DCUN1D4: variants seen among roughly 807,000 people sequenced by gnomAD.
DCUN1D4 encodes the protein DCN1-like protein 4.
A neutral mutation model predicts 47.9 loss-of-function variants in DCUN1D4; 22 were observed. That is an observed-to-expected ratio of 0.46 (90% CI 0.33 to 0.66). The LOEUF (loss-of-function observed/expected upper bound fraction) is 0.66. DCUN1D4 is among the 30% of genes least tolerant of loss of function. The pLI is 0.02. For synonymous variants in DCUN1D4, 121 were observed against 112.2 expected, an observed-to-expected ratio of 1.08 and a Z score of -0.50; for missense variants, 301 against 340.8, an observed-to-expected ratio of 0.88 and a Z score of 0.92.
At chr4:51,912,779 C>T (rs897693633) in intron 9 of DCUN1D4, among the ~76,000 whole-genome samples, 1 of 152,200 alleles carries the variant, frequency 6.6e-6, no homozygotes. Context: ...GCAGCACTTA[C>T]CGGATCTCGT....
At chr4:51,862,531 G>T (rs1383910039) in intron 1 of DCUN1D4, among the ~76,000 whole-genome samples, 1 of 152,108 alleles carries the variant, frequency 6.6e-6, no homozygotes, top group Non-Finnish European at 1.5e-5. Flanking sequence ...TGTCAGAATG[G>T]TATAACTTGG....
intron 5 of DCUN1D4, among the ~76,000 whole-genome samples, chr4:51,882,025 G>T (rs550421937): frequency 2.6e-4 from 40 of 152,132 alleles, no homozygotes; most frequent in African/African-American, 9.6e-4. Flanking sequence ...TAGATGGCAG[G>T]GTTATTGGTA....
upstream of DCUN1D4, chr4:51,843,115 G>A: frequency 2.7e-6 from 4 of 1,465,202 alleles, no homozygotes; most frequent in Non-Finnish European, 2.7e-6. Context: ...TGGAGAAGGC[G>A]AGATGGGCGG....
At chr4:51,834,680 A>T in the DCUN1D4 span, among the ~76,000 whole-genome samples, 1 of 152,044 alleles carries the variant, frequency 6.6e-6, no homozygotes, top group African/African-American at 2.4e-5. Flanking sequence ...TGTCCCGAAA[A>T]TGGGAGCAGT....
chr4:51,846,143 A>G (rs1203447136), intron 1 of DCUN1D4, among the ~76,000 whole-genome samples: 1 of 152,176 alleles, frequency 6.6e-6, no homozygotes, highest in African/African-American at 2.4e-5. Flanking sequence ...ATACACATAT[A>G]GCCCACCTCC....
intron 1 of DCUN1D4, chr4:51,843,582 G>T: frequency 7.8e-7 from 1 of 1,278,190 alleles, no homozygotes; most frequent in South Asian, 2.9e-5. Flanking sequence ...AGTGTCCGGG[G>T]TGCATGGAGG....
At chr4:51,905,429 C>T (rs940569058) in intron 8 of DCUN1D4, 1 of 176,658 alleles carries the variant, frequency 5.7e-6, no homozygotes, top group Non-Finnish European at 1.2e-5. Flanking sequence ...CCAACATGAT[C>T]AGTTCTCTTC....
intron 1 of DCUN1D4, chr4:51,844,514 C>A: frequency 5.1e-6 from 3 of 585,624 alleles, no homozygotes; most frequent in Non-Finnish European, 6.5e-6. Flanking sequence ...GGGTCGGGGG[C>A]TTGGCGCCGG....
intron 1 of DCUN1D4, among the ~76,000 whole-genome samples, chr4:51,857,140 A>G (rs1333249000): frequency 1.3e-5 from 2 of 152,208 alleles, no homozygotes; most frequent in African/African-American, 4.8e-5. Context: ...ATTAAGTAGA[A>G]GGGAGGGTGG....
chr4:51,911,323 A>G, intron 9 of DCUN1D4, 149 bp downstream of exon 9: 1 of 707,266 alleles, frequency 1.4e-6, no homozygotes, highest in Non-Finnish European at 2.4e-6. Flanking sequence ...GTCAGCAGCT[A>G]CCTATCTTCT....
intron 5 of DCUN1D4, 122 bp from the exon 6 acceptor site, chr4:51,886,446 T>G (rs1046864926): frequency 1.7e-5 from 13 of 750,278 alleles, no homozygotes; most frequent in Admixed American, 3.0e-5. Context: ...TAGACTTGAT[T>G]TTTTTTTCCA....
intron 6 of DCUN1D4, among the ~76,000 whole-genome samples, chr4:51,889,124 G>C (rs1730025776): frequency 6.6e-6 from 1 of 151,990 alleles, no homozygotes; most frequent in South Asian, 2.1e-4. Flanking sequence ...AGAAAAAAAA[G>C]AGAGAATATT....
intron 8 of DCUN1D4, among the ~76,000 whole-genome samples, chr4:51,902,218 G>T (rs942579660): frequency 3.9e-5 from 6 of 152,156 alleles, no homozygotes; most frequent in African/African-American, 1.2e-4. Flanking sequence ...AATATTTTAT[G>T]CGTACTTTAA....
intron 1 of DCUN1D4, among the ~76,000 whole-genome samples, chr4:51,855,479 G>A (rs1305171048): frequency 6.6e-6 from 1 of 152,200 alleles, no homozygotes; most frequent in African/African-American, 2.4e-5. Flanking sequence ...AAAGAAGTTA[G>A]ATGAGACATC....
At chr4:51,861,985 G>C (rs1725142358) in intron 1 of DCUN1D4, among the ~76,000 whole-genome samples, 1 of 152,150 alleles carries the variant, frequency 6.6e-6, no homozygotes, top group African/African-American at 2.4e-5. Context: ...CTAAACCTCT[G>C]TGCAGTCGTA....
Position 51,846,490 on chromosome 4 carries a change from A to G in DCUN1D4, c.25+3223A>G, listed in dbSNP as rs114402835. Among the ~76,000 whole-genome samples the G allele has an allele frequency of 5.1e-3, 780 of 152,102 alleles. 2 individuals are homozygous for G. The highest frequency in any genetic ancestry group is 9.0e-3 in the Non-Finnish European group (610 of 67,986). ...TATCATTGTCTCCTTTTCTGTTTTT[A>G]TGTTAAGTTGCTCCCAGCAGCTCTT... On this transcript the variant is annotated intron_variant, in intron 1 of 10. Coordinates refer to ENST00000334635, the MANE Select transcript of DCUN1D4 (RefSeq NM_001040402.3).
intron 1 of DCUN1D4, chr4:51,860,594 C>G (rs574784956): frequency 4.4e-6 from 2 of 455,422 alleles, no homozygotes; most frequent in Non-Finnish European, 8.8e-6. Context: ...GAGAGTCTTA[C>G]AATCGTGGAG....
At chr4:51,897,748 C>G (rs935649642) in intron 7 of DCUN1D4, among the ~76,000 whole-genome samples, 1 of 152,180 alleles carries the variant, frequency 6.6e-6, no homozygotes, top group Non-Finnish European at 1.5e-5. Flanking sequence ...AGGAAATGCT[C>G]AGAGACTTGT....
At chr4:51,911,403 C>T (rs901589284) in intron 9 of DCUN1D4, among the ~76,000 whole-genome samples, 3 of 152,148 alleles carry the variant, frequency 2.0e-5, no homozygotes, top group African/African-American at 4.8e-5. Context: ...TCCGAAACAG[C>T]CACAGCTCTG....
Sources: allele counts gnomAD v4.1 joint callset (sites outside exome capture counted in the v4.1 genomes callset), GRCh38; gene constraint gnomAD v4.1.1; transcripts MANE v1.5; gene names NCBI Gene and HGNC (gene_info 2026-07-23, HGNC 2026-07-21).